Variants in FCHO1 observed in about 807,000 individuals in gnomAD.
FCHO1 encodes F-BAR domain only protein 1.
FCHO1 carries 45 observed loss-of-function variants against 114.4 expected under a neutral mutation model. The observed-to-expected ratio is 0.39, with a 90% confidence interval of 0.31 to 0.50. The LOEUF (loss-of-function observed/expected upper bound fraction) is 0.50, where lower values mean the gene tolerates loss of function less well. Ranked by LOEUF, FCHO1 falls within the 20% of genes least tolerant of loss-of-function variation. The pLI is 0.77. For missense variants in FCHO1, 1,042 were observed against 1,209.6 expected (o/e 0.86, Z 2.06); for synonymous variants, 480 against 488.9 (o/e 0.98, Z 0.24).
At chr19:17,760,302 C>T (rs188270190) in intron 4 of FCHO1, among the ~76,000 whole-genome samples, 26 of 152,244 alleles carry the variant, frequency 1.7e-4, no homozygotes, top group Admixed American at 1.6e-3. Flanking sequence ...CTGCCTGCCT[C>T]GGCTTCCCAA....
intron 26 of FCHO1, among the ~76,000 whole-genome samples, chr19:17,785,850 AG>A (rs1192505194): frequency 7.0e-6 from 1 of 143,478 alleles, no homozygotes; most frequent in Non-Finnish European, 1.5e-5. Flanking sequence ...AAAAAAAAAT[AG>A]TAGTGGTAGT....
At chr19:17,762,926 C>T (rs2086929516) in intron 5 of FCHO1, 73 bp downstream of exon 5, 4 of 1,032,720 alleles carry the variant, frequency 3.9e-6, no homozygotes, top group Admixed American at 1.8e-5. Context: ...AATGGCTACG[C>T]CCTGCATGGT....
At chr19:17,759,101 T>A (rs570781634) in intron 4 of FCHO1, among the ~76,000 whole-genome samples, 1 of 152,126 alleles carries the variant, frequency 6.6e-6, no homozygotes, top group Non-Finnish European at 1.5e-5. Context: ...GAGGGATGGC[T>A]TCACTGATGT....
chr19:17,756,011 C>G (rs1267516587), intron 4 of FCHO1, among the ~76,000 whole-genome samples: 1 of 152,186 alleles, frequency 6.6e-6, no homozygotes, highest in Non-Finnish European at 1.5e-5. Context: ...GATGGGTGAA[C>G]AGGGGAGGGC....
intron 5 of FCHO1, among the ~76,000 whole-genome samples, chr19:17,763,643 G>A (rs562939867): frequency 3.2e-4 from 45 of 139,360 alleles, no homozygotes; most frequent in African/African-American, 1.2e-3. Context: ...CTGCAGCCTC[G>A]ACCTACCGGG....
chr19:17,771,371 G>A (rs4808096), intron 9 of FCHO1, among the ~76,000 whole-genome samples: 107,438 of 137,008 alleles, frequency 0.78, 39,976 homozygotes, highest in Middle Eastern at 0.89. Flanking sequence ...AAAAAAAAAA[G>A]AAAAGAAAAG....
intron 6 of FCHO1, among the ~76,000 whole-genome samples, chr19:17,765,310 C>T (rs904463557): frequency 7.2e-4 from 109 of 151,976 alleles, no homozygotes; most frequent in African/African-American, 2.2e-3. Context: ...GCTTGGGCAA[C>T]GTGGAAAGGA....
intron 7 of FCHO1, among the ~76,000 whole-genome samples, chr19:17,767,633 G>GA (rs2089886467): frequency 6.7e-6 from 1 of 149,632 alleles, no homozygotes; most frequent in Non-Finnish European, 1.5e-5. Flanking sequence ...TAAAGGGTTA[G>GA]AAAAAAATCT....
chr19:17,754,990 T>C (rs2082957816), intron 3 of FCHO1, 128 bp from the exon 4 acceptor site: 1 of 714,520 alleles, frequency 1.4e-6, no homozygotes, highest in Non-Finnish European at 2.6e-6. Flanking sequence ...GGTCCTGGCA[T>C]GCTCTTAGCA....
At position 17,776,231 on chromosome 19, in the gene FCHO1, C is replaced by T. The variant is rs772376539; in HGVS notation, c.1183-16C>T. On this transcript the variant is annotated splice_polypyrimidine_tract_variant and intron_variant, in intron 16 of 28. Coordinates refer to ENST00000596536, the MANE Select transcript of FCHO1 (RefSeq NM_015122.3). The surrounding 1 kb of genome is among the most constrained non-coding windows in gnomAD (Gnocchi z 4.4). Reference sequence around the variant, plus strand: ...CTGGATGCATTCGTGTGTGATGTTGCCCACTTTGTCCACAGGGCACCATGA... The same window carrying T: ...CTGGATGCATTCGTGTGTGATGTTGTCCACTTTGTCCACAGGGCACCATGA... The T allele has an allele frequency of 4.3e-6, 7 of 1,614,050 alleles. No homozygotes were observed. The highest frequency in any genetic ancestry group is 5.9e-6 in the Non-Finnish European group (7 of 1,179,984).
chr19:17,770,595 G>A lies in FCHO1; in HGVS notation c.489+18G>A. 6.2e-7 allele frequency: 1 copy of A among 1,604,520 alleles called. No homozygotes were observed. Among genetic ancestry groups the A allele is most frequent in the Non-Finnish European group, 8.5e-7 (1 of 1,173,842 alleles). On this transcript the variant is annotated intron_variant, in intron 8 of 28. Transcript: ENST00000596536. ...TGGACAAGGTGGGCTCACAGTGGGG[G>A]GGTTCTGAGGAATTTGCCGCGGGGC... is the stretch of plus-strand genomic sequence containing the variant.
At chr19:17,764,480 A>G in intron 6 of FCHO1, 31 bp downstream of exon 6, 1 of 1,562,988 alleles carries the variant, frequency 6.4e-7, no homozygotes, top group Non-Finnish European at 8.7e-7. Context: ...CAACATGGGG[A>G]CATTGGGAGC....
chr19:17,752,911 T>TA, intron 1 of FCHO1, among the ~76,000 whole-genome samples: 1 of 145,516 alleles, frequency 6.9e-6, no homozygotes, highest in Admixed American at 6.8e-5. Flanking sequence ...CCAGAAAAAA[T>TA]AAAAAAATAA....
chr19:17,756,236 C>A (rs965275475), intron 4 of FCHO1, among the ~76,000 whole-genome samples: 1 of 152,134 alleles, frequency 6.6e-6, no homozygotes, highest in Non-Finnish European at 1.5e-5. Context: ...TGACCTCCGC[C>A]CTCTCTCCAA....
rs146428843 is a variant in FCHO1 at position 17,757,682 on chromosome 19, G to A, written c.27+2491G>A. On this transcript the variant is annotated intron_variant, in intron 4 of 28. Coordinates refer to ENST00000596536, the MANE Select transcript of FCHO1 (RefSeq NM_015122.3). ...TGTAATCCAAACACTTTGAGAAGCT[G>A]AGATGGCGGATCGCCTGAGCCCAGG... 3.6e-3 allele frequency among the ~76,000 whole-genome samples: 554 copies of A among 152,294 alleles called. 2 individuals are homozygous for A. The highest frequency in any genetic ancestry group is 0.012 in the African/African-American group (500 of 41,580).
rs778288741 is a variant in FCHO1, at chr19:17,784,281, C to G, written c.2226+46C>G. The G allele has an allele frequency of 9.0e-6, 14 of 1,552,284 alleles. No individual in the cohort carries two copies. Among genetic ancestry groups the G allele is most frequent in the Non-Finnish European group, 1.1e-5 (13 of 1,147,388 alleles). The stretch of plus-strand genomic sequence containing the variant: ...CGGGAGGAGGTGGTGGAGTGGGGGA[C>G]ACGGTGAGCCGGCAGCAGACATGGA... On this transcript the variant is annotated intron_variant, in intron 25 of 28. Transcript: ENST00000596536. This position sits in a 1 kb window ranked among gnomAD's most constrained non-coding sequence, Gnocchi z 5.3.
At position 17,784,701 on chromosome 19, in the gene FCHO1, C is replaced by G; in HGVS notation, c.2227-24C>G. On this transcript the variant is annotated intron_variant, in intron 25 of 28. Transcript: ENST00000596536. This position sits in a 1 kb window ranked among gnomAD's most constrained non-coding sequence, Gnocchi z 5.3. Reference sequence around the variant, plus strand: ...GACAGGATGGCCCAAGCTGTGTCCTCTCTCTCATTCTCATTCTTCCTAGTT... The same window carrying G: ...GACAGGATGGCCCAAGCTGTGTCCTGTCTCTCATTCTCATTCTTCCTAGTT... 3.7e-6 allele frequency: 6 copies of G among 1,611,022 alleles called. No homozygotes were observed. The highest frequency in any genetic ancestry group is 5.1e-6 in the Non-Finnish European group (6 of 1,177,718).
At position 17,770,470 on chromosome 19, in the gene FCHO1, T is replaced by C; in HGVS notation, c.382T>C (p.Ser128Pro). Residue 128 changes from serine (S) to proline (P), a missense_variant, in exon 8 of 29, where the codon TCG becomes CCG. Ser to Pro is a moderately conservative substitution (Grantham distance 74). Around this residue, in one of 3 missense-constraint regions of FCHO1, gnomAD observed 450 missense variants for 564.1 expected, o/e 0.80. Coordinates refer to ENST00000596536, the MANE Select transcript of FCHO1 (RefSeq NM_015122.3). ...CACCTTGGATGCTGTGCAGGTACTC[T>C]CGGGCGTCAGCCAGCTCCTGCCCAA... ...VSTLDAVQVL[S>P]GVSQLLPKSR... The C allele has an allele frequency of 1.9e-6, 3 of 1,613,804 alleles. No individual in the cohort carries two copies. Among genetic ancestry groups the C allele is most frequent in the Non-Finnish European group, 2.5e-6 (3 of 1,179,910 alleles).
rs557464090 is a variant in FCHO1 at position 17,762,721 on chromosome 19, T to G, written c.28-41T>G. The G allele has an allele frequency of 6.6e-5, 96 of 1,450,016 alleles. 2 individuals carry two copies. The South Asian group carries it at 1.0e-3, about 15-fold the overall frequency. 89.8% of individuals were successfully genotyped at this position (1,450,016 alleles called of 1,614,324 possible). On this transcript the variant is annotated intron_variant, in intron 4 of 28. Coordinates refer to ENST00000596536, the MANE Select transcript of FCHO1 (RefSeq NM_015122.3). ...CCCCGTTGCTAAGCAACTATGATGTTCTCTCCATCCTTTCTCAATCTCTAT... is the reference window on the plus strand; with the variant it reads ...CCCCGTTGCTAAGCAACTATGATGTGCTCTCCATCCTTTCTCAATCTCTAT...
Sources: allele counts gnomAD v4.1 joint callset (sites outside exome capture counted in the v4.1 genomes callset), GRCh38; gene constraint gnomAD v4.1.1; regional missense constraint gnomAD v4.1.1; non-coding constraint Gnocchi (gnomAD v3.1); transcripts MANE v1.5; gene names NCBI Gene and HGNC (gene_info 2026-07-23, HGNC 2026-07-21).